The following ZPBP variants were observed in gnomAD, a reference collection of about 807,000 sequenced individuals.
The protein encoded by ZPBP is zona pellucida-binding protein 1.
ZPBP carries 26 observed loss-of-function variants against 44.8 expected under a neutral mutation model. The ratio of observed to expected loss-of-function variants is 0.58; its 90% confidence interval spans 0.43 to 0.81. The LOEUF (loss-of-function observed/expected upper bound fraction) is 0.81, where lower values mean the gene tolerates loss of function less well. Among genes scored for constraint, ZPBP ranks in the 30% least tolerant of loss-of-function variants. The probability of loss-of-function intolerance (pLI) is 0.00; values close to 1 mark genes in which losing one functional copy is unlikely to be tolerated. For synonymous variants in ZPBP, 174 were observed against 153.2 expected (o/e 1.14, Z -1.00); for missense variants, 409 against 434.0 (o/e 0.94, Z 0.51).
intron 2 of ZPBP, among the ~76,000 whole-genome samples, chr7:49,882,986 A>T (rs1791735871): frequency 6.6e-6 from 1 of 151,856 alleles, no homozygotes; most frequent in African/African-American, 2.4e-5. Context: ...TCTCCATTTC[A>T]TCTCTGCCCT....
At chr7:49,946,660 A>T (rs1172422891) in intron 7 of ZPBP, among the ~76,000 whole-genome samples, 1 of 152,026 alleles carries the variant, frequency 6.6e-6, no homozygotes, top group Non-Finnish European at 1.5e-5. Context: ...TTGACTATTA[A>T]ATGTCTTGAG....
chr7:50,017,841 C>CATAG (rs1211682059), intron 6 of ZPBP, among the ~76,000 whole-genome samples: 1 of 151,928 alleles, frequency 6.6e-6, no homozygotes. Context: ...TCACCCTAAG[C>CATAG]ATAGGTACAG....
chr7:49,932,836 A>T (rs570033205), downstream of ZPBP, among the ~76,000 whole-genome samples: 3 of 152,220 alleles, frequency 2.0e-5, no homozygotes, highest in African/African-American at 7.2e-5. Context: ...TTTCCCCCAT[A>T]CTGTTCTCCT....
chr7:50,054,463 T>C (rs1800836000), intron 4 of ZPBP, among the ~76,000 whole-genome samples: 1 of 152,154 alleles, frequency 6.6e-6, no homozygotes, highest in Non-Finnish European at 1.5e-5. Context: ...TATGAAAAGA[T>C]GTTCTAACTC....
At chr7:49,983,294 C>G in intron 7 of ZPBP, 48 bp downstream of exon 7, 3 of 1,560,160 alleles carry the variant, frequency 1.9e-6, no homozygotes, top group Non-Finnish European at 2.6e-6. Flanking sequence ...AATGAAAACA[C>G]ATAAATTTTC....
At chr7:50,013,240 T>C (rs1798668252) in intron 6 of ZPBP, among the ~76,000 whole-genome samples, 1 of 151,918 alleles carries the variant, frequency 6.6e-6, no homozygotes, top group African/African-American at 2.4e-5. Flanking sequence ...GTTGTTATAA[T>C]GTCACTTGAT....
intron 7 of ZPBP, among the ~76,000 whole-genome samples, chr7:49,961,736 AG>A (rs1795868399): frequency 6.6e-6 from 1 of 152,130 alleles, no homozygotes; most frequent in Non-Finnish European, 1.5e-5. Context: ...ATTTTTAATT[AG>A]GATAAAAAAT....
intron 4 of ZPBP, among the ~76,000 whole-genome samples, chr7:50,050,783 C>G (rs544250481): frequency 1.0e-5 from 1 of 100,284 alleles, no homozygotes; most frequent in Non-Finnish European, 1.8e-5. Flanking sequence ...AGCGAGACTC[C>G]GTCTCAAAAA....
chr7:49,884,249 G>A (rs1791801890), intron 2 of ZPBP, among the ~76,000 whole-genome samples: 1 of 152,268 alleles, frequency 6.6e-6, no homozygotes, highest in South Asian at 2.1e-4. Flanking sequence ...GATGAAGATA[G>A]CAAATGGGTG....
chr7:49,915,118 T>C (rs1464307445), intron 1 of ZPBP: 2 of 152,236 alleles, frequency 1.3e-5, no homozygotes, highest in Non-Finnish European at 2.9e-5. Flanking sequence ...CTTTCAGTGA[T>C]AGGATATTTA....
At chr7:49,892,876 C>T (rs1792203808) in intron 2 of ZPBP, among the ~76,000 whole-genome samples, 1 of 152,170 alleles carries the variant, frequency 6.6e-6, no homozygotes, top group African/African-American at 2.4e-5. Context: ...AAATGCTGCC[C>T]ACTCTGCCCC....
intron 1 of ZPBP, among the ~76,000 whole-genome samples, chr7:49,910,147 G>A (rs539680557): frequency 1.9e-4 from 29 of 152,180 alleles, no homozygotes; most frequent in African/African-American, 7.0e-4. Context: ...ACAGAGTTCA[G>A]GGAGGGAGAA....
intron 2 of ZPBP, among the ~76,000 whole-genome samples, chr7:49,873,140 A>G (rs1791245845): frequency 6.6e-6 from 1 of 152,190 alleles, no homozygotes; most frequent in East Asian, 1.9e-4. Flanking sequence ...TTTGAAGAGA[A>G]AAAAGAAATT....
At position 49,973,486 on chromosome 7, in the gene ZPBP, A is replaced by T. The variant is rs191848752; in HGVS notation, c.961+9856T>A. On this transcript the variant is annotated intron_variant, in intron 7 of 7. Transcript: ENST00000046087. ...CTAGAATATATAAAGAACTCCTAAA[A>T]CTCAATAACAAAAAAGGCAACCTAA... Among the ~76,000 whole-genome samples the T allele has an allele frequency of 3.9e-5, 6 of 152,160 alleles. No homozygotes were observed. In the East Asian group the frequency reaches 1.2e-3, roughly 29 times the overall value.
intron 7 of ZPBP, among the ~76,000 whole-genome samples, chr7:49,953,919 A>C (rs1036858806): frequency 6.6e-6 from 1 of 152,262 alleles, no homozygotes; most frequent in East Asian, 1.9e-4. Flanking sequence ...ATCCCTGTCA[A>C]CATTCCAACA....
intron 6 of ZPBP, among the ~76,000 whole-genome samples, chr7:50,004,644 T>C (rs543179827): frequency 1.4e-4 from 22 of 152,122 alleles, no homozygotes; most frequent in Non-Finnish European, 2.9e-4. Context: ...ACAAGCATAA[T>C]AACTGAAGTG....
intron 4 of ZPBP, among the ~76,000 whole-genome samples, chr7:50,050,981 T>C (rs1399339258): frequency 2.6e-5 from 4 of 151,720 alleles, no homozygotes; most frequent in Admixed American, 6.6e-5. Context: ...AAAGAAACTA[T>C]CATCACAGTG....
At chr7:49,962,117 G>A (rs1232186541) in intron 7 of ZPBP, among the ~76,000 whole-genome samples, 2 of 151,762 alleles carry the variant, frequency 1.3e-5, no homozygotes, top group Non-Finnish European at 2.9e-5. Flanking sequence ...TTTAAGAAAA[G>A]GCAAGAAGAG....
At chr7:49,902,491 T>C (rs1308559182) in intron 1 of ZPBP, among the ~76,000 whole-genome samples, 1 of 151,804 alleles carries the variant, frequency 6.6e-6, no homozygotes, top group African/African-American at 2.4e-5. Flanking sequence ...AAGGGTAGTT[T>C]TTTGTTTGTT....
Sources: gnomAD v4.1 joint callset for allele counts (sites outside exome capture counted in the v4.1 genomes callset) on GRCh38, gnomAD v4.1.1 for gene constraint, MANE v1.5 for transcripts, NCBI Gene and HGNC (gene_info 2026-07-23, HGNC 2026-07-21) for gene names.